Variants in DMGDH observed in about 807,000 individuals in gnomAD.
DMGDH encodes dimethylglycine dehydrogenase, also known as dimethylglycine dehydrogenase, mitochondrial.
Under a neutral mutation model 95.2 loss-of-function variants are expected in DMGDH, and 76 were observed. The ratio of observed to expected loss-of-function variants is 0.80; its 90% CI spans 0.66 to 0.97. The LOEUF (loss-of-function observed/expected upper bound fraction) is 0.97. Ranked by LOEUF, DMGDH falls within the 50% of genes least tolerant of loss-of-function variation. The pLI is 0.00. For synonymous variants in DMGDH, 345 were observed against 377.6 expected, an observed-to-expected ratio of 0.91 and a Z score of 1.00; for missense variants, 987 against 1,055.0, an observed-to-expected ratio of 0.94 and a Z score of 0.89.
chr5:79,025,892 T>C (rs1659677402), intron 13 of DMGDH, among the ~76,000 whole-genome samples: 5 of 152,160 alleles, frequency 3.3e-5, no homozygotes, highest in Admixed American at 6.5e-5. Flanking sequence ...ATGCGTAAAA[T>C]AGAGGTAATG....
At chr5:79,047,051 C>T (rs957314785) in intron 5 of DMGDH, among the ~76,000 whole-genome samples, 14 of 152,040 alleles carry the variant, frequency 9.2e-5, no homozygotes, top group African/African-American at 3.4e-4. Context: ...ATCTATGGGG[C>T]TGGTGTCCTT....
intron 7 of DMGDH, among the ~76,000 whole-genome samples, chr5:79,037,850 G>C (rs1490687377): frequency 6.6e-6 from 1 of 152,054 alleles, no homozygotes; most frequent in Admixed American, 6.6e-5. Context: ...AAAATACTTA[G>C]GAATAAATTT....
intron 15 of DMGDH, among the ~76,000 whole-genome samples, chr5:79,002,281 C>T (rs1753467052): frequency 6.6e-6 from 1 of 152,154 alleles, no homozygotes; most frequent in Non-Finnish European, 1.5e-5. Flanking sequence ...TCTCCACAAA[C>T]CTCTTTTTCA....
At chr5:79,043,402 C>T (rs1259023586) in intron 6 of DMGDH, among the ~76,000 whole-genome samples, 1 of 152,226 alleles carries the variant, frequency 6.6e-6, no homozygotes, top group African/African-American at 2.4e-5. Context: ...CAATTCTGCT[C>T]AGGCCCAAAT....
chr5:79,005,061 T>C (rs1330074434), intron 15 of DMGDH, among the ~76,000 whole-genome samples: 1 of 152,250 alleles, frequency 6.6e-6, no homozygotes, highest in Non-Finnish European at 1.5e-5. Context: ...AAACAGAATA[T>C]ATAGAATTTT....
intron 15 of DMGDH, among the ~76,000 whole-genome samples, chr5:79,002,315 C>G (rs1753467713): frequency 6.6e-6 from 1 of 152,190 alleles, no homozygotes; most frequent in African/African-American, 2.4e-5. Context: ...AGCTAAGCAT[C>G]TTTTAATAAC....
chr5:79,055,545 G>C (rs1291229691), intron 3 of DMGDH, among the ~76,000 whole-genome samples: 1 of 152,164 alleles, frequency 6.6e-6, no homozygotes, highest in Non-Finnish European at 1.5e-5. Context: ...ATAGTAACTG[G>C]CTAAAGATAC....
chr5:79,000,358 C>A, intron 15 of DMGDH: 2 of 653,238 alleles, frequency 3.1e-6, no homozygotes, highest in South Asian at 2.7e-5. Context: ...TTTATTCTCA[C>A]AATATACTCT....
chr5:79,032,416 G>T, intron 9 of DMGDH, among the ~76,000 whole-genome samples: 1 of 152,328 alleles, frequency 6.6e-6, no homozygotes, highest in African/African-American at 2.4e-5. Flanking sequence ...GAGGGCGGTC[G>T]CAAGTTTCTT....
Position 79,069,508 on chromosome 5 carries a change from G to T in DMGDH, c.101+12C>A. The T allele has an allele frequency of 7.8e-7, 1 of 1,277,894 alleles. No individual in the cohort carries two copies. The allele number at this position is 1,277,894 out of a possible 1,614,324, so 79.2% of individuals were successfully genotyped here. A position where few individuals can be genotyped will look rare whatever the true frequency, so the allele number is the denominator to read the frequency against. On this transcript the variant is annotated intron_variant, in intron 1 of 15. Transcript: ENST00000255189. ...GCCCCGTCGCCTCTGAGCAGGACGG[G>T]GCCCCACTCACCCTTCCCGGCCGCA...
At chr5:79,032,549 G>C in intron 9 of DMGDH, 138 bp downstream of exon 9, 1 of 1,233,444 alleles carries the variant, frequency 8.1e-7, no homozygotes, top group South Asian at 1.2e-5. Context: ...CTGCCAGAGA[G>C]TAATTTTTGT....
intron 12 of DMGDH, 102 bp downstream of exon 12, chr5:79,028,331 C>T (rs1158434158): frequency 9.6e-7 from 1 of 1,047,076 alleles, no homozygotes; most frequent in African/African-American, 1.6e-5. Context: ...TGCATACACA[C>T]TCACACATTT....
In DMGDH at chr5:79,033,234, C is replaced by T. The variant is rs868154430; in HGVS notation, c.1363+5G>A. On this transcript the variant is annotated splice_donor_5th_base_variant and intron_variant, in intron 8 of 15. Coordinates refer to ENST00000255189, the MANE Select transcript of DMGDH (RefSeq NM_013391.3). ...TTTGTAGACAACAGTACATTTGTAC[C>T]TTACCAATATTGTTGAATCCATATG... 6 of 1,613,954 alleles carry T rather than the reference C, an allele frequency of 3.7e-6. No homozygotes were observed. In the African/African-American group the frequency reaches 5.3e-5, roughly 14 times the overall value.
chr5:79,003,967 T>C (rs550565226), intron 15 of DMGDH, among the ~76,000 whole-genome samples: 1 of 151,272 alleles, frequency 6.6e-6, no homozygotes, highest in Non-Finnish European at 1.5e-5. Context: ...AATAAATAAA[T>C]AAAAATAAAA....
chr5:78,998,350 C>A, intron 15 of DMGDH, 53 bp from the exon 16 acceptor site: 1 of 1,543,088 alleles, frequency 6.5e-7, no homozygotes, highest in African/African-American at 1.4e-5. Flanking sequence ...CTCTGTGCTC[C>A]TCATCTCTGG....
intron 1 of DMGDH, among the ~76,000 whole-genome samples, chr5:79,067,363 C>T (rs1755410243): frequency 6.6e-6 from 1 of 152,162 alleles, no homozygotes. Flanking sequence ...TTAGTTGAAA[C>T]CATTATAGTG....
At chr5:79,031,962 T>C (rs1380094472) in intron 9 of DMGDH, among the ~76,000 whole-genome samples, 1 of 152,230 alleles carries the variant, frequency 6.6e-6, no homozygotes, top group Non-Finnish European at 1.5e-5. Context: ...ATACTTTGTA[T>C]GAATTAGATC....
At chr5:79,068,287 T>G (rs541548299) in intron 1 of DMGDH, among the ~76,000 whole-genome samples, 33 of 151,694 alleles carry the variant, frequency 2.2e-4, no homozygotes, top group Non-Finnish European at 3.2e-4. Flanking sequence ...TTGTTAAATT[T>G]CCATTTTATT....
At chr5:79,054,385 T>A in intron 3 of DMGDH, 37 bp from the exon 4 acceptor site, 1 of 1,607,768 alleles carries the variant, frequency 6.2e-7, no homozygotes, top group Non-Finnish European at 8.5e-7. Flanking sequence ...TATAAATAAG[T>A]CATTGTTTGG....
Sources: gnomAD v4.1 joint callset for allele counts (sites outside exome capture counted in the v4.1 genomes callset) on GRCh38, gnomAD v4.1.1 for gene constraint, MANE v1.5 for transcripts, NCBI Gene and HGNC (gene_info 2026-07-23, HGNC 2026-07-21) for gene names.